Variants in NOL4 observed in about 807,000 individuals in gnomAD.
The protein encoded by NOL4 is nucleolar protein 4.
In NOL4, 17 loss-of-function variants were observed where a neutral mutation model predicts 75.9. That is an observed-to-expected ratio of 0.22 (90% CI 0.15 to 0.34). The LOEUF (loss-of-function observed/expected upper bound fraction) is 0.34. Ranked by LOEUF, NOL4 falls within the 10% of genes least tolerant of loss-of-function variation. The pLI is 1.00. For missense variants in NOL4, 614 were observed against 793.5 expected (o/e 0.77, Z 2.72); for synonymous variants, 292 against 289.9 (o/e 1.01, Z -0.07).
At chr18:33,941,881 G>A (rs930355917) in intron 9 of NOL4, among the ~76,000 whole-genome samples, 9 of 151,966 alleles carry the variant, frequency 5.9e-5, no homozygotes, top group East Asian at 1.9e-4. Flanking sequence ...ATATAACAAT[G>A]ATAAAACTCC....
At chr18:33,940,566 G>A (rs1051701004) in intron 9 of NOL4, among the ~76,000 whole-genome samples, 1 of 151,968 alleles carries the variant, frequency 6.6e-6, no homozygotes, top group African/African-American at 2.4e-5. Context: ...GAGGCTAGGG[G>A]AGGGATAGCA....
At chr18:33,972,271 C>T (rs185189320) in intron 6 of NOL4, among the ~76,000 whole-genome samples, 1 of 151,126 alleles carries the variant, frequency 6.6e-6, no homozygotes, top group African/African-American at 2.4e-5. Flanking sequence ...GCCTGCAACT[C>T]AACAATAAAA....
chr18:33,989,079 T>A (rs1356126447), intron 6 of NOL4, among the ~76,000 whole-genome samples: 2 of 149,146 alleles, frequency 1.3e-5, no homozygotes, highest in Admixed American at 1.4e-4. Flanking sequence ...CTCAGATATT[T>A]GGGAGGCTGA....
intron 1 of NOL4, among the ~76,000 whole-genome samples, chr18:34,176,063 C>A (rs960367127): frequency 1.3e-5 from 2 of 151,720 alleles, no homozygotes; most frequent in African/African-American, 4.8e-5. Flanking sequence ...TAAATATGTT[C>A]AAAGAGCTAA....
At chr18:34,208,119 T>C (rs556483900) in intron 1 of NOL4, among the ~76,000 whole-genome samples, 1 of 152,234 alleles carries the variant, frequency 6.6e-6, no homozygotes, top group Admixed American at 6.5e-5. Context: ...TTAAATCCAG[T>C]AGATGAAGGG....
intron 6 of NOL4, 27 bp downstream of exon 6, chr18:34,019,291 A>G: frequency 6.3e-7 from 1 of 1,598,454 alleles, no homozygotes; most frequent in Non-Finnish European, 8.5e-7. Flanking sequence ...CAACTCAAAA[A>G]TTCTGGAAAT....
At chr18:33,864,404 A>G (rs1384483205) in intron 10 of NOL4, among the ~76,000 whole-genome samples, 1 of 152,198 alleles carries the variant, frequency 6.6e-6, no homozygotes, top group Non-Finnish European at 1.5e-5. Flanking sequence ...AAAGTTCCAC[A>G]GATCTAGGGC....
At chr18:33,937,208 G>A (rs918452481) in intron 9 of NOL4, among the ~76,000 whole-genome samples, 1 of 152,068 alleles carries the variant, frequency 6.6e-6, no homozygotes, top group Non-Finnish European at 1.5e-5. Context: ...GGAGCAGTAG[G>A]CTCCTGTCCT....
intron 5 of NOL4, among the ~76,000 whole-genome samples, chr18:34,064,448 C>G (rs1487302900): frequency 6.6e-6 from 1 of 151,898 alleles, no homozygotes; most frequent in Admixed American, 6.6e-5. Flanking sequence ...GGGCCCTGTA[C>G]CCTCCATTCA....
intron 9 of NOL4, among the ~76,000 whole-genome samples, chr18:33,899,350 TC>T (rs1353921469): frequency 6.6e-6 from 1 of 152,132 alleles, no homozygotes; most frequent in Non-Finnish European, 1.5e-5. Context: ...AGGATGTTAG[TC>T]CCCCATCTTT....
At chr18:33,951,281 G>T (rs936299715) in intron 8 of NOL4, among the ~76,000 whole-genome samples, 4 of 152,084 alleles carry the variant, frequency 2.6e-5, no homozygotes, top group African/African-American at 9.7e-5. Flanking sequence ...GCTGAGCTGG[G>T]CATTGATTTG....
intron 10 of NOL4, among the ~76,000 whole-genome samples, chr18:33,853,711 CAA>C (rs1012505284): frequency 2.6e-5 from 4 of 152,006 alleles, no homozygotes; most frequent in Non-Finnish European, 5.9e-5. Flanking sequence ...TTACTGCAAA[CAA>C]TACCACAGAG....
chr18:34,005,448 G>A (rs1600223299), intron 6 of NOL4, among the ~76,000 whole-genome samples: 1 of 151,902 alleles, frequency 6.6e-6, no homozygotes, highest in African/African-American at 2.4e-5. Context: ...TGGCAACCTG[G>A]TGACACTCTT....
At chr18:33,885,784 T>C (rs959247824) in intron 9 of NOL4, among the ~76,000 whole-genome samples, 1 of 152,106 alleles carries the variant, frequency 6.6e-6, no homozygotes, top group African/African-American at 2.4e-5. Flanking sequence ...AATCTAAAAA[T>C]TGCACTACCA....
chr18:34,219,651 T>C (rs1468884733), intron 1 of NOL4, among the ~76,000 whole-genome samples: 2 of 152,272 alleles, frequency 1.3e-5, no homozygotes, highest in South Asian at 2.1e-4. Flanking sequence ...ATGTCAACCA[T>C]TTGCTATATC....
chr18:34,217,479 G>T (rs944574258), intron 1 of NOL4, among the ~76,000 whole-genome samples: 1 of 151,818 alleles, frequency 6.6e-6, no homozygotes, highest in East Asian at 1.9e-4. Context: ...TAGAGATGGG[G>T]TTTCACTGTG....
intron 2 of NOL4, 24 bp downstream of exon 2, chr18:34,129,844 CTCT>C (rs1204931616): frequency 1.3e-6 from 2 of 1,516,900 alleles, no homozygotes; most frequent in Non-Finnish European, 1.8e-6. Flanking sequence ...GAAATGCATG[CTCT>C]TTTTTTTTTC....
intron 6 of NOL4, among the ~76,000 whole-genome samples, chr18:34,005,316 C>T (rs958153187): frequency 6.6e-6 from 1 of 152,010 alleles, no homozygotes; most frequent in Non-Finnish European, 1.5e-5. Context: ...TACTTTGGGA[C>T]TGGCTATGCT....
intron 10 of NOL4, among the ~76,000 whole-genome samples, chr18:33,881,962 C>T (rs1012302182): frequency 1.8e-3 from 269 of 152,216 alleles, no homozygotes; most frequent in Admixed American, 3.3e-3. Flanking sequence ...GGAAAGGATT[C>T]CCTATTTAAT....
Sources: allele counts gnomAD v4.1 joint callset (sites outside exome capture counted in the v4.1 genomes callset), GRCh38; gene constraint gnomAD v4.1.1; transcripts MANE v1.5; gene names NCBI Gene and HGNC (gene_info 2026-07-23, HGNC 2026-07-21).